BZW2: variants seen among roughly 807,000 people sequenced by gnomAD.
The protein encoded by BZW2 is basic leucine zipper and W2 domains 2, also known as eIF5-mimic protein 1.
In BZW2, 23 loss-of-function variants were observed where a neutral mutation model predicts 53.2. The ratio of observed to expected loss-of-function variants is 0.43; its 90% CI spans 0.31 to 0.61. The LOEUF (loss-of-function observed/expected upper bound fraction) is 0.61. Among genes scored for constraint, BZW2 ranks in the 20% least tolerant of loss-of-function variants. The pLI is 0.09. For synonymous variants in BZW2, 227 were observed against 186.4 expected, an observed-to-expected ratio of 1.22 and a Z score of -1.77; for missense variants, 409 against 503.1, an observed-to-expected ratio of 0.81 and a Z score of 1.79.
At chr7:16,653,167 C>G (rs1237696067) in intron 1 of BZW2, among the ~76,000 whole-genome samples, 1 of 152,150 alleles carries the variant, frequency 6.6e-6, no homozygotes, top group Non-Finnish European at 1.5e-5. Flanking sequence ...TATTTGGACT[C>G]ATGCCCACCA....
intron 2 of BZW2, among the ~76,000 whole-genome samples, chr7:16,673,805 A>G (rs191137937): frequency 7.3e-4 from 111 of 152,312 alleles, no homozygotes; most frequent in African/African-American, 2.5e-3. Context: ...CATGAGACCA[A>G]AAAGTTTAGC....
At chr7:16,686,101 G>C in intron 6 of BZW2, 61 bp downstream of exon 6, 1 of 1,590,114 alleles carries the variant, frequency 6.3e-7, no homozygotes, top group South Asian at 1.1e-5. Context: ...GTCACAGATA[G>C]TTAGAAAAAT....
intron 10 of BZW2, among the ~76,000 whole-genome samples, chr7:16,703,524 TATC>T (rs772424186): frequency 1.2e-4 from 19 of 152,334 alleles, no homozygotes; most frequent in South Asian, 2.1e-4. Context: ...ACTGAAAAGA[TATC>T]ATTAAAGTAA....
rs893147435 is a variant in BZW2 at position 16,650,373 on chromosome 7, C to T, written c.-8+4085C>T. ...GTGGAGATACTGATGTTCTTCTGTG[C>T]GTCATAATCCAACTCAGAAGGCATT... On this transcript the variant is annotated intron_variant, in intron 1 of 11. Transcript: ENST00000258761. 1.7e-4 allele frequency among the ~76,000 whole-genome samples: 26 copies of T among 152,104 alleles called. No individual in the cohort carries two copies. The East Asian group carries it at 2.1e-3, about 12-fold the overall frequency.
At chr7:16,653,890 AT>A (rs1164467844) in intron 1 of BZW2, among the ~76,000 whole-genome samples, 1 of 151,748 alleles carries the variant, frequency 6.6e-6, no homozygotes, top group East Asian at 1.9e-4. Context: ...TGTTTGTTTG[AT>A]TTTGTTTTGT....
intron 2 of BZW2, among the ~76,000 whole-genome samples, chr7:16,667,933 A>T (rs1483232972): frequency 6.6e-6 from 1 of 152,216 alleles, no homozygotes; most frequent in Non-Finnish European, 1.5e-5. Context: ...CAAAGTGCTA[A>T]CCAGAATTCA....
At chr7:16,652,234 G>A (rs1197564073) in intron 1 of BZW2, among the ~76,000 whole-genome samples, 1 of 152,118 alleles carries the variant, frequency 6.6e-6, no homozygotes, top group Non-Finnish European at 1.5e-5. Context: ...CCGCGTGGAT[G>A]CCACTTGTAA....
At chr7:16,705,195 A>T (rs1272559203) in intron 11 of BZW2, among the ~76,000 whole-genome samples, 1 of 151,952 alleles carries the variant, frequency 6.6e-6, no homozygotes, top group Non-Finnish European at 1.5e-5. Flanking sequence ...TGTCTCTATT[A>T]AAAACACAAA....
At chr7:16,664,110 C>T (rs1782348188) in intron 1 of BZW2, among the ~76,000 whole-genome samples, 1 of 152,168 alleles carries the variant, frequency 6.6e-6, no homozygotes, top group Non-Finnish European at 1.5e-5. Context: ...CTATCAATAT[C>T]CCTTGAGCAT....
At chr7:16,697,912 A>T (rs776373034) in intron 9 of BZW2, 136 bp from the exon 10 acceptor site, 5 of 1,072,788 alleles carry the variant, frequency 4.7e-6, no homozygotes, top group Non-Finnish European at 6.7e-6. Context: ...ATTGGGCACA[A>T]TATGATGATA....
rs1270407847 is a variant in BZW2, at chr7:16,706,406, T to A, written c.*318T>A. The stretch of plus-strand genomic sequence containing the variant: ...TTTTTTAGCTGTATTTTTCAGGTAC[T>A]GTGTGGTGACCGCCCCACTGGTGTC... On this transcript the variant is annotated 3_prime_UTR_variant, in exon 12 of 12. Transcript: ENST00000258761. The A allele has an allele frequency of 3.8e-6, 1 of 262,590 alleles. No individual in the cohort carries two copies. Among genetic ancestry groups the A allele is most frequent in the Non-Finnish European group, 7.2e-6 (1 of 139,688 alleles). The allele number at this position is 262,590 out of a possible 1,614,324, so 16.3% of individuals were successfully genotyped here.
chr7:16,657,464 T>C (rs916293136), intron 1 of BZW2, among the ~76,000 whole-genome samples: 3 of 152,222 alleles, frequency 2.0e-5, no homozygotes, highest in African/African-American at 7.2e-5. Flanking sequence ...TGATGCAATA[T>C]CCTAAAGTAG....
At chr7:16,649,990 G>A (rs1336446809) in intron 1 of BZW2, among the ~76,000 whole-genome samples, 1 of 152,036 alleles carries the variant, frequency 6.6e-6, no homozygotes, top group Non-Finnish European at 1.5e-5. Context: ...AAATTTGGAA[G>A]TATTACAGCC....
chr7:16,695,539 G>A (rs1371198931), intron 8 of BZW2, among the ~76,000 whole-genome samples: 1 of 152,110 alleles, frequency 6.6e-6, no homozygotes, highest in African/African-American at 2.4e-5. Context: ...TCCCTATAAT[G>A]TAAAAGCTAT....
At position 16,646,272 on chromosome 7, in the gene BZW2, G is replaced by A; in HGVS notation, c.-24G>A. On this transcript the variant is annotated 5_prime_UTR_variant, in exon 1 of 12. Transcript: ENST00000258761. Reference sequence around the variant, plus strand: ...GCAGCCCCCAGCCTTGCGCGTCGTCGCTACCTCCTCGGACAGGTGAGAAGC... The same window carrying A: ...GCAGCCCCCAGCCTTGCGCGTCGTCACTACCTCCTCGGACAGGTGAGAAGC... The A allele has an allele frequency of 3.7e-6, 1 of 273,792 alleles. No individual in the cohort carries two copies. Among genetic ancestry groups the A allele is most frequent in the Non-Finnish European group, 7.4e-6 (1 of 134,528 alleles). 17.0% of individuals were successfully genotyped at this position (273,792 alleles called of 1,614,324 possible). A position where few individuals can be genotyped will look rare whatever the true frequency, so the allele number is the denominator to read the frequency against.
At chr7:16,663,191 T>C (rs1309014834) in intron 1 of BZW2, among the ~76,000 whole-genome samples, 4 of 152,198 alleles carry the variant, frequency 2.6e-5, no homozygotes, top group Non-Finnish European at 5.9e-5. Context: ...TTGTAATGAT[T>C]TCGATATGTT....
chr7:16,684,931 A>C (rs1053611333), intron 5 of BZW2, among the ~76,000 whole-genome samples: 2 of 152,228 alleles, frequency 1.3e-5, no homozygotes, highest in African/African-American at 2.4e-5. Context: ...AGTTAGTGGA[A>C]TAATCATGTC....
chr7:16,677,165 A>G (rs537342407), intron 3 of BZW2, among the ~76,000 whole-genome samples: 3 of 150,218 alleles, frequency 2.0e-5, no homozygotes, highest in South Asian at 2.1e-4. Flanking sequence ...GCCTGGGTTT[A>G]TATCCCAGTC....
intron 8 of BZW2, among the ~76,000 whole-genome samples, chr7:16,696,374 A>G (rs967505692): frequency 2.6e-5 from 4 of 152,236 alleles, no homozygotes; most frequent in African/African-American, 4.8e-5. Context: ...GAATTGATGT[A>G]TATGAAATTT....
Sources: allele counts gnomAD v4.1 joint callset (sites outside exome capture counted in the v4.1 genomes callset), GRCh38; gene constraint gnomAD v4.1.1; transcripts MANE v1.5; gene names NCBI Gene and HGNC (gene_info 2026-07-23, HGNC 2026-07-21).